The following NCALD variants were observed in gnomAD, a reference collection of about 807,000 sequenced individuals.
The protein encoded by NCALD is neurocalcin-delta.
NCALD carries 10 observed loss-of-function variants against 18.6 expected under a neutral mutation model. The observed-to-expected ratio is 0.54, with a 90% CI of 0.33 to 0.91. The LOEUF is 0.91. NCALD is among the 40% of genes least tolerant of loss of function. NCALD has a pLI of 0.03. For missense variants in NCALD, 184 were observed against 247.6 expected, an observed-to-expected ratio of 0.74 and a Z score of 1.72; for synonymous variants, 88 against 87.4, an observed-to-expected ratio of 1.01 and a Z score of -0.04.
intron 4 of NCALD, among the ~76,000 whole-genome samples, chr8:101,807,845 G>A (rs1373380646): frequency 6.6e-6 from 1 of 152,034 alleles, no homozygotes; most frequent in Non-Finnish European, 1.5e-5. Flanking sequence ...TTTTAAAATG[G>A]CTGATAATCC....
intron 1 of NCALD, among the ~76,000 whole-genome samples, chr8:102,043,123 G>A (rs1477258452): frequency 2.0e-5 from 3 of 151,844 alleles, no homozygotes; most frequent in Admixed American, 2.0e-4. Context: ...TCTCACACAA[G>A]GAAGTCATTC....
In NCALD at chr8:102,064,062, A is replaced by G. The variant is rs75327959; in HGVS notation, c.-209-43773T>C. On this transcript the variant is annotated intron_variant, in intron 1 of 6. Transcript: ENST00000311028. ...AGCCAGAGTTGGTTTCTGTGCCCCA[A>G]CTGATAAATGTTCCAACATGAATTT... Among the ~76,000 whole-genome samples the G allele has an allele frequency of 6.6e-5, 10 of 152,308 alleles. No individual in the cohort carries two copies. The East Asian group carries it at 1.9e-3, about 29-fold the overall frequency.
chr8:101,755,544 T>A (rs1333945290), intron 1 of NCALD, among the ~76,000 whole-genome samples: 1 of 152,160 alleles, frequency 6.6e-6, no homozygotes, highest in African/African-American at 2.4e-5. Context: ...TCACCCTATC[T>A]TCTCCTGTCT....
chr8:101,888,018 G>A (rs11991815), intron 3 of NCALD, among the ~76,000 whole-genome samples: 2,619 of 152,272 alleles, frequency 0.017, 92 homozygotes, highest in African/African-American at 0.059. Flanking sequence ...CAAGAGGACA[G>A]TGTCAGCGTC....
chr8:102,105,532 T>C (rs1231277517), intron 1 of NCALD, among the ~76,000 whole-genome samples: 1 of 152,136 alleles, frequency 6.6e-6, no homozygotes, highest in Non-Finnish European at 1.5e-5. Context: ...CTGAGGGAAA[T>C]TGAAGTCTCA....
chr8:102,078,028 AG>A (rs1193016676), intron 1 of NCALD, among the ~76,000 whole-genome samples: 1 of 152,158 alleles, frequency 6.6e-6, no homozygotes, highest in Non-Finnish European at 1.5e-5. Flanking sequence ...GAGACCAGGT[AG>A]GCACCTCAAA....
At chr8:101,904,076 G>A (rs1817528901) in intron 3 of NCALD, among the ~76,000 whole-genome samples, 2 of 152,320 alleles carry the variant, frequency 1.3e-5, no homozygotes, top group Non-Finnish European at 1.5e-5. Flanking sequence ...TAAAATGGAG[G>A]ACAGTAAGCC....
Position 101,849,556 on chromosome 8 carries a change from C to G in NCALD, c.-20+37585G>C, listed in dbSNP as rs184914974. Among the ~76,000 whole-genome samples, 307 of 152,058 alleles carry G rather than the reference C, an allele frequency of 2.0e-3. 2 individuals are homozygous for G. The highest frequency in any genetic ancestry group is 3.1e-3 in the Non-Finnish European group (213 of 67,988). ...CACTCTGTAAATGGTCTTCATTTCC[C>G]TGCCCATTTTTCCGATAGGAAACCA... is the stretch of plus-strand genomic sequence containing the variant. On this transcript the variant is annotated intron_variant, in intron 4 of 6. Coordinates refer to the NCALD transcript ENST00000311028.
chr8:101,711,369 T>C (rs1236191231), intron 2 of NCALD, among the ~76,000 whole-genome samples: 5 of 152,036 alleles, frequency 3.3e-5, no homozygotes, highest in Non-Finnish European at 2.9e-5. Flanking sequence ...TATCCTTCAA[T>C]GGATCACAAC....
At chr8:102,018,397 T>C (rs1822161153) in intron 2 of NCALD, among the ~76,000 whole-genome samples, 1 of 152,192 alleles carries the variant, frequency 6.6e-6, no homozygotes, top group Non-Finnish European at 1.5e-5. Flanking sequence ...CACAATGGAA[T>C]TCTTCTACTC....
At chr8:102,032,618 C>A in intron 1 of NCALD, among the ~76,000 whole-genome samples, 2 of 70,198 alleles carry the variant, frequency 2.8e-5, no homozygotes, top group African/African-American at 5.2e-5. Context: ...AATAGAAAAA[C>A]TGCTAAAAAA....
intron 1 of NCALD, among the ~76,000 whole-genome samples, chr8:102,047,179 G>A (rs767691066): frequency 1.2e-4 from 18 of 152,176 alleles, no homozygotes; most frequent in South Asian, 2.1e-4. Context: ...AGTATTCCAC[G>A]GTGTATAGGT....
At chr8:102,010,325 G>T (rs1398587642) in intron 2 of NCALD, among the ~76,000 whole-genome samples, 1 of 152,076 alleles carries the variant, frequency 6.6e-6, no homozygotes, top group Non-Finnish European at 1.5e-5. Context: ...TACTGCCCTT[G>T]CCACTGACCC....
At chr8:101,849,680 C>G (rs1453393559) in intron 4 of NCALD, among the ~76,000 whole-genome samples, 1 of 152,156 alleles carries the variant, frequency 6.6e-6, no homozygotes, top group Non-Finnish European at 1.5e-5. Context: ...GCATTCTAAT[C>G]TTTCTAAAAT....
At chr8:101,961,026 CA>C (rs1204406849) in intron 2 of NCALD, among the ~76,000 whole-genome samples, 4 of 152,132 alleles carry the variant, frequency 2.6e-5, no homozygotes, top group African/African-American at 9.7e-5. Flanking sequence ...TAAAGGATCA[CA>C]TTTTGGCTTA....
intron 4 of NCALD, among the ~76,000 whole-genome samples, chr8:101,803,739 G>C (rs1367902657): frequency 6.6e-6 from 1 of 152,184 alleles, no homozygotes; most frequent in Non-Finnish European, 1.5e-5. Flanking sequence ...GACTTCAGTG[G>C]AGGAAGTAAC....
chr8:101,713,054 G>C (rs147807752), intron 2 of NCALD, among the ~76,000 whole-genome samples: 3,901 of 152,204 alleles, frequency 0.026, 132 homozygotes, highest in African/African-American at 0.078. Context: ...AAATAAAAAA[G>C]AATGGAAATC....
chr8:101,839,009 A>G (rs1368587013), intron 4 of NCALD, among the ~76,000 whole-genome samples: 2 of 152,366 alleles, frequency 1.3e-5, no homozygotes, highest in East Asian at 3.9e-4. Flanking sequence ...TCTTCTGCTG[A>G]TAAAGACAGA....
chr8:101,763,262 G>T (rs1004333588), intron 1 of NCALD, among the ~76,000 whole-genome samples: 2 of 152,166 alleles, frequency 1.3e-5, no homozygotes, highest in African/African-American at 4.8e-5. Context: ...AGGGCTCCTT[G>T]AGCAATGATT....
Sources: gnomAD v4.1 joint callset for allele counts (sites outside exome capture counted in the v4.1 genomes callset) on GRCh38, gnomAD v4.1.1 for gene constraint, MANE v1.5 for transcripts, NCBI Gene and HGNC (gene_info 2026-07-23, HGNC 2026-07-21) for gene names.